The following ROBO1 variants were observed in gnomAD, a reference collection of about 807,000 sequenced individuals.
ROBO1 encodes roundabout homolog 1.
In ROBO1, 149 loss-of-function variants were observed where a neutral mutation model predicts 195.9. That is an observed-to-expected ratio of 0.76 (90% CI 0.67 to 0.87). ROBO1 has a LOEUF of 0.87. Ranked by LOEUF, ROBO1 falls within the 40% of genes least tolerant of loss-of-function variation. ROBO1 has a pLI of 0.00. For missense variants in ROBO1, 1,933 were observed against 2,068.3 expected (o/e 0.93, Z 1.27); for synonymous variants, 816 against 733.2 (o/e 1.11, Z -1.82).
intron 2 of ROBO1, among the ~76,000 whole-genome samples, chr3:79,342,158 T>A (rs182505411): frequency 1.6e-4 from 24 of 152,292 alleles, no homozygotes; most frequent in African/African-American, 5.8e-4. Context: ...ACAAAAGTGC[T>A]AGCTGACAGA....
chr3:79,468,468 C>T (rs934794297), intron 2 of ROBO1, among the ~76,000 whole-genome samples: 2 of 152,108 alleles, frequency 1.3e-5, no homozygotes, highest in Non-Finnish European at 2.9e-5. Context: ...CTACTATGCC[C>T]TATATTTCAT....
chr3:79,558,020 T>A (rs867908228), intron 2 of ROBO1, among the ~76,000 whole-genome samples: 27 of 152,132 alleles, frequency 1.8e-4, no homozygotes, highest in African/African-American at 5.6e-4. Flanking sequence ...TACTGTACAA[T>A]AATCAGCCTG....
chr3:79,357,358 C>T (rs953985557), intron 2 of ROBO1, among the ~76,000 whole-genome samples: 3 of 152,080 alleles, frequency 2.0e-5, no homozygotes, highest in Middle Eastern at 3.2e-3. Context: ...AGATGTCCAT[C>T]CCATGAGCAA....
intron 27 of ROBO1, among the ~76,000 whole-genome samples, chr3:78,616,233 T>A (rs1704102281): frequency 6.6e-6 from 1 of 152,148 alleles, no homozygotes; most frequent in African/African-American, 2.4e-5. Flanking sequence ...TGGTTTGAGA[T>A]ACTTAATTTC....
chr3:79,763,658 A>C (rs1452139364), intron 1 of ROBO1, among the ~76,000 whole-genome samples: 1 of 152,112 alleles, frequency 6.6e-6, no homozygotes, highest in Non-Finnish European at 1.5e-5. Flanking sequence ...TTTCAAAGAA[A>C]ATGGAAAGCC....
At chr3:78,733,481 G>C (rs1048349110) in intron 5 of ROBO1, among the ~76,000 whole-genome samples, 1 of 151,736 alleles carries the variant, frequency 6.6e-6, no homozygotes, top group Admixed American at 6.6e-5. Flanking sequence ...TAAGCAATCA[G>C]AACGATTACA....
At chr3:78,997,272 C>T (rs1475911627) in intron 3 of ROBO1, among the ~76,000 whole-genome samples, 2 of 152,126 alleles carry the variant, frequency 1.3e-5, no homozygotes, top group African/African-American at 2.4e-5. Flanking sequence ...TTCCTCAACA[C>T]CACTGTGAAA....
rs190046642 is a variant in ROBO1, at chr3:78,801,819, A to G, written c.500-54919T>C. 4.4e-3 allele frequency among the ~76,000 whole-genome samples: 672 copies of G among 152,290 alleles called. 6 individuals are homozygous for G. The highest frequency in any genetic ancestry group is 7.2e-3 in the Non-Finnish European group (490 of 67,994). ...AATTTACAAACAGGGATATTCTGAA[A>G]ACATTTTGTGGGACATTTACAAATG... On this transcript the variant is annotated intron_variant, in intron 4 of 30. Transcript: ENST00000464233.
intron 1 of ROBO1, among the ~76,000 whole-genome samples, chr3:79,673,287 C>T (rs1308640595): frequency 1.3e-5 from 2 of 151,850 alleles, no homozygotes; most frequent in Non-Finnish European, 2.9e-5. Flanking sequence ...ATCAAGAATT[C>T]TCTTGAGGGT....
intron 2 of ROBO1, among the ~76,000 whole-genome samples, chr3:79,294,037 G>A (rs1301595800): frequency 4.8e-5 from 5 of 103,964 alleles, no homozygotes; most frequent in African/African-American, 8.0e-5. Flanking sequence ...CAGCCTGGGC[G>A]ACAGAGCGAG....
intron 2 of ROBO1, among the ~76,000 whole-genome samples, chr3:79,459,271 CA>C (rs1386777269): frequency 6.6e-6 from 1 of 152,084 alleles, no homozygotes; most frequent in Non-Finnish European, 1.5e-5. Flanking sequence ...TGTAATCAAT[CA>C]ATTGATAGGT....
rs71127369 is a variant in ROBO1 at position 78,931,236 on chromosome 3, C to CTTTTTTTTTT, written c.499+7355_499+7364dup. Among the ~76,000 whole-genome samples the CTTTTTTTTTT allele has an allele frequency of 1.9e-3, 149 of 79,206 alleles. 1 individual carries two copies. The highest frequency in any genetic ancestry group is 2.7e-3 in the Non-Finnish European group (115 of 42,018). 52.0% of individuals were successfully genotyped at this position (79,206 alleles called of 152,430 possible). A position where few individuals can be genotyped will look rare whatever the true frequency, so the allele number is the denominator to read the frequency against. ...AAACAACATTTTCTTTTCTTTCTTTCTTTTTTTTTTTTTTTTTTTTTTTGA... is the reference window on the plus strand; with the variant it reads ...AAACAACATTTTCTTTTCTTTCTTTCTTTTTTTTTTTTTTTTTTTTTTTTTTTTTTTTTGA... On this transcript the variant is annotated intron_variant, in intron 4 of 30. Transcript: ENST00000464233.
At chr3:79,522,768 A>T (rs1941262139) in intron 2 of ROBO1, among the ~76,000 whole-genome samples, 1 of 152,158 alleles carries the variant, frequency 6.6e-6, no homozygotes, top group Non-Finnish European at 1.5e-5. Flanking sequence ...TTAGAGTTTA[A>T]ATTTAACTGA....
chr3:79,178,530 C>T (rs990432170), intron 2 of ROBO1, among the ~76,000 whole-genome samples: 1 of 152,002 alleles, frequency 6.6e-6, no homozygotes, highest in Non-Finnish European at 1.5e-5. Flanking sequence ...GAAAAGAAAC[C>T]CACAGTGTCA....
chr3:79,184,009 T>G (rs1247376063), intron 2 of ROBO1, among the ~76,000 whole-genome samples: 1 of 152,246 alleles, frequency 6.6e-6, no homozygotes, highest in African/African-American at 2.4e-5. Flanking sequence ...TTTTCTATGC[T>G]TCAAGTTAAA....
chr3:79,082,369 A>ATG (rs1367557787), intron 3 of ROBO1, among the ~76,000 whole-genome samples: 1 of 152,172 alleles, frequency 6.6e-6, no homozygotes, highest in African/African-American at 2.4e-5. Context: ...AATCATATAT[A>ATG]TGTGTGTGTG....
intron 30 of ROBO1, among the ~76,000 whole-genome samples, chr3:78,599,560 G>A (rs1009261931): frequency 6.6e-6 from 1 of 152,116 alleles, no homozygotes; most frequent in Non-Finnish European, 1.5e-5. Context: ...CTTTGAATGG[G>A]TGAGGGGAGA....
chr3:78,958,310 A>G (rs1458703366), intron 3 of ROBO1, among the ~76,000 whole-genome samples: 3 of 152,220 alleles, frequency 2.0e-5, no homozygotes, highest in Non-Finnish European at 2.9e-5. Context: ...AAGTTTGGGA[A>G]TCTTATTCCT....
At chr3:79,062,688 G>T (rs2078940564) in intron 3 of ROBO1, among the ~76,000 whole-genome samples, 1 of 151,640 alleles carries the variant, frequency 6.6e-6, no homozygotes, top group Non-Finnish European at 1.5e-5. Context: ...ATGAGTTCTT[G>T]TCCTTTGCAG....
Sources: gnomAD v4.1 joint callset for allele counts (sites outside exome capture counted in the v4.1 genomes callset) on GRCh38, gnomAD v4.1.1 for gene constraint, MANE v1.5 for transcripts, NCBI Gene and HGNC (gene_info 2026-07-23, HGNC 2026-07-21) for gene names.